Variants in ASTN2 observed in about 807,000 individuals in gnomAD.
ASTN2 encodes the protein astrotactin-2.
A neutral mutation model predicts 139.8 loss-of-function variants in ASTN2; 54 were observed. The observed-to-expected ratio is 0.39, with a 90% CI of 0.31 to 0.48. The LOEUF is 0.48. ASTN2 is among the 20% of genes least tolerant of loss of function. The pLI is 0.95. For missense variants in ASTN2, 1,565 were observed against 1,725.1 expected, an observed-to-expected ratio of 0.91 and a Z score of 1.64; for synonymous variants, 756 against 719.5, an observed-to-expected ratio of 1.05 and a Z score of -0.81.
At chr9:117,220,669 T>A (rs761725250) in intron 2 of ASTN2, among the ~76,000 whole-genome samples, 91 of 152,134 alleles carry the variant, frequency 6.0e-4, no homozygotes, top group Non-Finnish European at 1.0e-4. Flanking sequence ...TAGAAAGGCA[T>A]GGGACAGATT....
At chr9:116,849,080 A>G (rs562746284) in intron 11 of ASTN2, among the ~76,000 whole-genome samples, 1 of 152,328 alleles carries the variant, frequency 6.6e-6, no homozygotes, top group Admixed American at 6.5e-5. Context: ...AATTATCACC[A>G]GATGGAAAAG....
chr9:117,201,937 G>C (rs934966232), intron 3 of ASTN2, among the ~76,000 whole-genome samples: 2 of 152,016 alleles, frequency 1.3e-5, no homozygotes, highest in Non-Finnish European at 2.9e-5. Context: ...CTAACAGTGG[G>C]GTGTTAAATT....
intron 6 of ASTN2, among the ~76,000 whole-genome samples, chr9:117,031,546 A>T (rs908254198): frequency 1.2e-4 from 18 of 152,188 alleles, no homozygotes; most frequent in African/African-American, 4.3e-4. Flanking sequence ...ATGGAACTTG[A>T]AACCTAGCAA....
intron 16 of ASTN2, among the ~76,000 whole-genome samples, chr9:116,684,010 C>T (rs980844333): frequency 1.3e-5 from 2 of 152,128 alleles, no homozygotes; most frequent in African/African-American, 2.4e-5. Context: ...GTCATACAGT[C>T]CCTGTACAAG....
At chr9:116,723,548 C>T (rs539609121) in intron 16 of ASTN2, among the ~76,000 whole-genome samples, 1 of 152,258 alleles carries the variant, frequency 6.6e-6, no homozygotes, top group African/African-American at 2.4e-5. Context: ...GGCCTGGTTT[C>T]CAACGTTTAG....
At chr9:116,803,517 TATA>T (rs1830945073) in intron 13 of ASTN2, among the ~76,000 whole-genome samples, 69 of 8,424 alleles carry the variant, frequency 8.2e-3, no homozygotes, top group African/African-American at 0.019. Flanking sequence ...TATATATATA[TATA>T]TATTTTTTTT....
At chr9:116,731,750 C>T (rs780295406) in intron 14 of ASTN2, among the ~76,000 whole-genome samples, 1 of 152,136 alleles carries the variant, frequency 6.6e-6, no homozygotes, top group Non-Finnish European at 1.5e-5. Flanking sequence ...GAGGAAGAAA[C>T]TGAGGCTCAG....
intron 1 of ASTN2, among the ~76,000 whole-genome samples, chr9:117,383,824 G>A (rs912279729): frequency 2.0e-5 from 3 of 152,238 alleles, no homozygotes; most frequent in East Asian, 1.9e-4. Flanking sequence ...AAATGGAGCC[G>A]GGTGCAATTT....
At chr9:117,092,011 G>C (rs1163120405) in intron 5 of ASTN2, among the ~76,000 whole-genome samples, 1 of 152,132 alleles carries the variant, frequency 6.6e-6, no homozygotes, top group East Asian at 1.9e-4. Flanking sequence ...AGAAGTTGAA[G>C]TTATAAAGGA....
intron 6 of ASTN2, among the ~76,000 whole-genome samples, chr9:117,019,149 G>A (rs7866402): frequency 0.053 from 7,947 of 151,126 alleles, 516 homozygotes; most frequent in African/African-American, 0.16. Context: ...GTGGTAGCTG[G>A]AACATAAATC....
At chr9:117,227,031 A>C (rs1045527488) in intron 2 of ASTN2, among the ~76,000 whole-genome samples, 13 of 152,242 alleles carry the variant, frequency 8.5e-5, no homozygotes, top group Non-Finnish European at 1.9e-4. Context: ...AATAAGTTTC[A>C]TATGGGGAGG....
At chr9:117,108,207 T>C (rs1829155121) in intron 4 of ASTN2, among the ~76,000 whole-genome samples, 1 of 152,194 alleles carries the variant, frequency 6.6e-6, no homozygotes, top group Non-Finnish European at 1.5e-5. Flanking sequence ...AGTTTAACTG[T>C]GGCCCTTGTT....
chr9:116,955,979 C>G (rs1015091603), intron 10 of ASTN2, among the ~76,000 whole-genome samples: 43 of 152,204 alleles, frequency 2.8e-4, no homozygotes, highest in African/African-American at 1.0e-3. Context: ...AGAGGTTTGT[C>G]CAGAATTTCC....
intron 11 of ASTN2, among the ~76,000 whole-genome samples, chr9:116,857,388 T>A (rs1832768243): frequency 6.6e-6 from 1 of 152,140 alleles, no homozygotes; most frequent in Non-Finnish European, 1.5e-5. Flanking sequence ...AGAAACAAAG[T>A]GGTTTGTTCA....
At chr9:116,802,082 T>C (rs992784280) in intron 13 of ASTN2, among the ~76,000 whole-genome samples, 7 of 105,472 alleles carry the variant, frequency 6.6e-5, no homozygotes, top group Non-Finnish European at 1.3e-4. Flanking sequence ...TTTCTTTCTT[T>C]CTTTTTTTTT....
At chr9:116,987,268 T>TA (rs373135289) in intron 7 of ASTN2, among the ~76,000 whole-genome samples, 1 of 152,338 alleles carries the variant, frequency 6.6e-6, no homozygotes, top group East Asian at 1.9e-4. Context: ...AGTAAGTTCT[T>TA]ATGAGATCTG....
intron 13 of ASTN2, among the ~76,000 whole-genome samples, chr9:116,774,477 T>G (rs1355614526): frequency 6.6e-6 from 1 of 152,204 alleles, no homozygotes; most frequent in African/African-American, 2.4e-5. Flanking sequence ...ATTATATACC[T>G]TCTGTGGTGC....
At chr9:117,120,018 G>GTGTATGTATATATATATATA (rs1306397698) in intron 4 of ASTN2, among the ~76,000 whole-genome samples, 49 of 45,996 alleles carry the variant, frequency 1.1e-3, no homozygotes, top group Admixed American at 1.8e-3. Context: ...GTGTGTGTGT[G>GTGTATGTATATATATATATA]TATATATATA....
At chr9:116,899,599 T>G (rs1833959238) in intron 10 of ASTN2, among the ~76,000 whole-genome samples, 1 of 152,220 alleles carries the variant, frequency 6.6e-6, no homozygotes. Flanking sequence ...CTATCCTTGT[T>G]TATTCCTGGT....
Sources: allele counts gnomAD v4.1 joint callset (sites outside exome capture counted in the v4.1 genomes callset), GRCh38; gene constraint gnomAD v4.1.1; transcripts MANE v1.5; gene names NCBI Gene and HGNC (gene_info 2026-07-23, HGNC 2026-07-21).